The following PCARE variants were observed in gnomAD, a reference collection of about 807,000 sequenced individuals.
PCARE encodes the protein photoreceptor cilium actin regulator.
A neutral mutation model predicts 82.2 loss-of-function variants in PCARE; 72 were observed. That is an observed-to-expected ratio of 0.88 (90% confidence interval 0.72 to 1.07). The LOEUF is 1.07. PCARE is among the 50% of genes least tolerant of loss of function. PCARE has a pLI of 0.00. For synonymous variants in PCARE, 705 were observed against 634.8 expected (o/e 1.11, Z -1.66); for missense variants, 1,768 against 1,592.4 (o/e 1.11, Z -1.88).
rs766956312 is a variant in PCARE, at chr2:29,072,701, G to A, written c.1561C>T (p.Arg521Trp). 5.0e-6 allele frequency: 8 copies of A among 1,614,014 alleles called. No homozygotes were observed. Among genetic ancestry groups the A allele is most frequent in the South Asian group, 3.3e-5 (3 of 91,076 alleles). ...HSRPQSSPAD[R>W]ESPFQARTRR... ...GTGCGGGCCTGAAATGGGCTTTCCC[G>A]GTCAGCAGGTGAAGATTGTGGCCTT... Residue 521 changes from arginine (R) to tryptophan (W), a missense_variant, in exon 1 of 2, where the codon CGG becomes TGG. Coordinates refer to ENST00000331664, the MANE Select transcript of PCARE (RefSeq NM_001029883.3).
Position 29,073,913 on chromosome 2 carries a change from T to G in PCARE, c.349A>C (p.Lys117Gln), listed in dbSNP as rs777334143. Residue 117 changes from lysine (K) to glutamine (Q), a missense_variant, in exon 1 of 2, where the codon AAG becomes CAG. By Grantham distance (53) the Lys-to-Gln change is moderately conservative. Coordinates refer to ENST00000331664, the MANE Select transcript of PCARE (RefSeq NM_001029883.3). ...QSHMAKDIPF[K>Q]TQGSHGSQGA... ...TGTGATCCATGGGAACCCTGTGTCT[T>G]GAACGGAATATCCTTAGCCATGTGG... The G allele has an allele frequency of 2.5e-6, 4 of 1,614,268 alleles. No individual in the cohort carries two copies. The highest frequency in any genetic ancestry group is 1.7e-5 in the Admixed American group (1 of 60,032).
Position 29,071,035 on chromosome 2 carries a change from TG to T in PCARE, c.3226del (p.Gln1076SerfsTer37). The T allele has an allele frequency of 9.7e-7, 1 of 1,029,994 alleles. No individual in the cohort carries two copies. The highest frequency in any genetic ancestry group is 5.8e-5 in the East Asian group (1 of 17,260). 63.8% of individuals were successfully genotyped at this position (1,029,994 alleles called of 1,614,324 possible). A position where few individuals can be genotyped will look rare whatever the true frequency, so the allele number is the denominator to read the frequency against. On this transcript the variant is annotated frameshift_variant, in exon 1 of 2. Coordinates refer to ENST00000331664, the MANE Select transcript of PCARE (RefSeq NM_001029883.3). LOFTEE classifies it high-confidence loss of function. ...AQCKVPSPPT[Q>X]HPEASPPFSI... ...GAAAGGGGGGCTTGCTTCTGGGTGC[TG>T]GGTTGGGGGGCTGGGGACCTTGCAC...
intron 1 of PCARE, among the ~76,000 whole-genome samples, chr2:29,068,580 C>T (rs180875698): frequency 1.8e-4 from 27 of 152,248 alleles, no homozygotes; most frequent in Non-Finnish European, 3.1e-4. Context: ...CACATTTCCC[C>T]GTGTATTCTG....
rs764321524 is a variant in PCARE, at chr2:29,070,950, G to C, written c.3312C>G (p.Asp1104Glu). 38 of 1,613,150 alleles carry C rather than the reference G, an allele frequency of 2.4e-5. No individual in the cohort carries two copies. In the South Asian group the frequency reaches 4.1e-4, roughly 17 times the overall value. ...SPSQEHKETRDSEDSQAVIAK... is the reference protein window; with the variant it reads ...SPSQEHKETRESEDSQAVIAK... ...CTATGACTGCTTGGCTGTCTTCAGAGTCTCTTGTTTCCTTGTGCTCCTGAG... is the reference window on the plus strand; with the variant it reads ...CTATGACTGCTTGGCTGTCTTCAGACTCTCTTGTTTCCTTGTGCTCCTGAG... The change falls in exon 1 of 2, where the codon GAC becomes GAG. Residue 1104 changes from aspartate (D) to glutamate (E), a missense_variant. Transcript: ENST00000331664.
In PCARE at chr2:29,070,479, T is replaced by C. The variant is rs973851506; in HGVS notation, c.3668+115A>G. ...CCTACACCTTTTTCCCAACTGCCTC[T>C]TCTCTTGGAGCACAGTTTGAAAACT... On this transcript the variant is annotated intron_variant, in intron 1 of 1. Transcript: ENST00000331664. 5 of 1,439,398 alleles carry C rather than the reference T, an allele frequency of 3.5e-6. No homozygotes were observed. In the African/African-American group the frequency reaches 7.0e-5, roughly 20 times the overall value. 89.2% of individuals were successfully genotyped at this position (1,439,398 alleles called of 1,614,324 possible). A position where few individuals can be genotyped will look rare whatever the true frequency, so the allele number is the denominator to read the frequency against.
At position 29,064,555 on chromosome 2, in the gene PCARE, A is replaced by C; in HGVS notation, c.*314T>G. 1 of 517,036 alleles carries C rather than the reference A, an allele frequency of 1.9e-6. No homozygotes were observed. 32.0% of individuals were successfully genotyped at this position (517,036 alleles called of 1,614,324 possible). On this transcript the variant is annotated 3_prime_UTR_variant, in exon 2 of 2. Transcript: ENST00000331664. ...AATGAACCCAGTTAAAACCCTATCA[A>C]GCATGCAACTATACATTCTCCACCC... is the stretch of plus-strand genomic sequence containing the variant.
Position 29,064,456 on chromosome 2 carries a change from C to T in PCARE, c.*413G>A, listed in dbSNP as rs536100561. On this transcript the variant is annotated 3_prime_UTR_variant, in exon 2 of 2. Coordinates refer to ENST00000331664, the MANE Select transcript of PCARE (RefSeq NM_001029883.3). ...TTGAGGGGGCCTCTCCCCACACCTT[C>T]GGTTTTCATATGCGCAAAACTGAAG... is the stretch of plus-strand genomic sequence containing the variant. 191 of 275,852 alleles carry T rather than the reference C, an allele frequency of 6.9e-4. No individual in the cohort carries two copies. The highest frequency in any genetic ancestry group is 9.7e-4 in the Non-Finnish European group (138 of 142,276). 17.1% of individuals were successfully genotyped at this position (275,852 alleles called of 1,614,324 possible). A position where few individuals can be genotyped will look rare whatever the true frequency, so the allele number is the denominator to read the frequency against.
intron 1 of PCARE, among the ~76,000 whole-genome samples, chr2:29,067,261 T>A (rs928862581): frequency 2.0e-5 from 3 of 152,170 alleles, no homozygotes; most frequent in African/African-American, 7.2e-5. Flanking sequence ...TAGTCCCTGG[T>A]GGTGTTTCCC....
Position 29,074,051 on chromosome 2 carries a change from C to G in PCARE, c.211G>C (p.Ala71Pro), listed in dbSNP as rs1342231837. ...CCCATGAGCTGACAAAGACCTTTAG[C>G]TGTGGTTTGGTTCCTCCTGGGACTT... is the stretch of plus-strand genomic sequence containing the variant. ...QPSPRRNQTT[A>P]KGLCQLMGDP... Residue 71 changes from alanine to proline, a missense_variant, in exon 1 of 2, where the codon GCT becomes CCT. Transcript: ENST00000331664. 1 of 1,614,232 alleles carries G rather than the reference C, an allele frequency of 6.2e-7. No individual in the cohort carries two copies. The highest frequency in any genetic ancestry group is 2.2e-5 in the East Asian group (1 of 44,880).
chr2:29,065,932 G>A (rs1667384023), intron 1 of PCARE, among the ~76,000 whole-genome samples: 1 of 152,084 alleles, frequency 6.6e-6, no homozygotes, highest in Admixed American at 6.5e-5. Context: ...GGATCACCTG[G>A]GGTCAGGAGT....
chr2:29,073,578 C>G lies in PCARE; in HGVS notation c.684G>C (p.Glu228Asp), dbSNP rs201024585. 16 of 1,614,202 alleles carry G rather than the reference C, an allele frequency of 9.9e-6. No homozygotes were observed. In the African/African-American group the frequency reaches 2.0e-4, roughly 20 times the overall value. ...MVSFLLLCFEEISQLLGEISK... is the reference protein window; with the variant it reads ...MVSFLLLCFEDISQLLGEISK... ...AGATCTCCCCCAACAGCTGGCTGAT[C>G]TCCTCAAAGCACAGCAGCAAGAAGC... Residue 228 changes from glutamate to aspartate, a missense_variant, in exon 1 of 2, where the codon GAG (glutamate) becomes GAC (aspartate). Coordinates refer to ENST00000331664, the MANE Select transcript of PCARE (RefSeq NM_001029883.3).
At position 29,069,887 on chromosome 2, in the gene PCARE, A is replaced by G. The variant is rs542662619; in HGVS notation, c.3668+707T>C. ...TAATAACTTTAAAGGGTTTAAAGCC[A>G]TCCTGGGACCAAATAGCTTGAGAAC... On this transcript the variant is annotated intron_variant, in intron 1 of 1. Transcript: ENST00000331664. Among the ~76,000 whole-genome samples the G allele has an allele frequency of 2.4e-4, 37 of 152,272 alleles. 1 individual carries two copies. The South Asian group carries it at 6.6e-3, about 27-fold the overall frequency.
At chr2:29,066,460 C>A (rs1398597208) in intron 1 of PCARE, among the ~76,000 whole-genome samples, 1 of 152,250 alleles carries the variant, frequency 6.6e-6, no homozygotes, top group East Asian at 1.9e-4. Context: ...CAAGAAGGCC[C>A]TTCTCTCTGC....
Position 29,061,811 on chromosome 2 carries a change from G to T in PCARE, c.*3058C>A, listed in dbSNP as rs1475642080. Reference sequence around the variant, plus strand: ...TTGGCCCAGCAAGGATACCATTCTTGGGTAGAAGGGAGATGGTGGGCGTGA... The same window carrying T: ...TTGGCCCAGCAAGGATACCATTCTTTGGTAGAAGGGAGATGGTGGGCGTGA... On this transcript the variant is annotated 3_prime_UTR_variant, in exon 2 of 2. Transcript: ENST00000331664. 6.6e-6 allele frequency: 1 copy of T among 152,170 alleles called. No individual in the cohort carries two copies. Among genetic ancestry groups the T allele is most frequent in the Non-Finnish European group, 1.5e-5 (1 of 68,032 alleles). The allele number at this position is 152,170 out of a possible 1,614,324, so 9.4% of individuals were successfully genotyped here. A position where few individuals can be genotyped will look rare whatever the true frequency, so the allele number is the denominator to read the frequency against.
At chr2:29,069,168 G>A (rs1391054643) in intron 1 of PCARE, among the ~76,000 whole-genome samples, 1 of 152,198 alleles carries the variant, frequency 6.6e-6, no homozygotes, top group Non-Finnish European at 1.5e-5. Flanking sequence ...TTGAAAAAAT[G>A]TAAGACAGTG....
Position 29,064,588 on chromosome 2 carries a change from C to T in PCARE, c.*281G>A, listed in dbSNP as rs1667363632. ...ACTATACATTCTCCACCCCCCACCC[C>T]ACCCCAAATTAAGGCCAGCACTTGA... On this transcript the variant is annotated 3_prime_UTR_variant, in exon 2 of 2. Coordinates refer to ENST00000331664, the MANE Select transcript of PCARE (RefSeq NM_001029883.3). 2 of 573,870 alleles carry T rather than the reference C, an allele frequency of 3.5e-6. No individual in the cohort carries two copies. The highest frequency in any genetic ancestry group is 6.2e-6 in the Non-Finnish European group (2 of 320,352). The allele number at this position is 573,870 out of a possible 1,614,324, so 35.5% of individuals were successfully genotyped here.
In PCARE at chr2:29,074,240, T is replaced by C. The variant is rs1412178142; in HGVS notation, c.22A>G (p.Ser8Gly). 1 of 1,557,808 alleles carries C rather than the reference T, an allele frequency of 6.4e-7. No individual in the cohort carries two copies. The highest frequency in any genetic ancestry group is 1.3e-5 in the South Asian group (1 of 79,844). The change falls in exon 1 of 2, where the codon AGT (serine) becomes GGT (glycine). Residue 8 changes from serine to glycine, a missense_variant. Coordinates refer to ENST00000331664, the MANE Select transcript of PCARE (RefSeq NM_001029883.3). ...TTTGCAACGCTGTTTACAAGGTCAC[T>C]GTGTGAAGGTGTACACCCCATGATT... MGCTPSH[S>G]DLVNSVAKSG...
chr2:29,071,679 T>C lies in PCARE; in HGVS notation c.2583A>G (p.Glu861=). 6.2e-7 allele frequency: 1 copy of C among 1,614,062 alleles called. No individual in the cohort carries two copies. Among genetic ancestry groups the C allele is most frequent in the Non-Finnish European group, 8.5e-7 (1 of 1,179,964 alleles). ...CCTCTCCCGGCCCTGGCTCCTGGGT[T>C]TCCTTGGGGGAGTTCTCTGTGGACT... ...SSKSTENSPK[E]TQEPGPGEAG... is the part of the protein sequence containing the mutation. The change falls in exon 1 of 2, where the codon GAA becomes GAG. Residue 861 remains glutamate (E), a synonymous_variant. Transcript: ENST00000331664.
rs752344219 is a variant in PCARE, at chr2:29,072,599, C to T, written c.1663G>A (p.Val555Ile). The T allele has an allele frequency of 5.0e-6, 8 of 1,614,038 alleles. No individual in the cohort carries two copies. The highest frequency in any genetic ancestry group is 6.8e-6 in the Non-Finnish European group (8 of 1,180,030). The change falls in exon 1 of 2, where the codon GTC becomes ATC. Residue 555 changes from valine to isoleucine, a missense_variant. Val to Ile is a conservative substitution (Grantham distance 29). Transcript: ENST00000331664. ...KESISERIKF[V>I]PVPCGHQDWS... ...TCCTGGTGCCCACAGGGCACAGGGA[C>T]AAACTTGATCCTTTCGCTGATTGAC...
Sources: gnomAD v4.1 joint callset for allele counts (sites outside exome capture counted in the v4.1 genomes callset) on GRCh38, gnomAD v4.1.1 for gene constraint, MANE v1.5 for transcripts, NCBI Gene and HGNC (gene_info 2026-07-23, HGNC 2026-07-21) for gene names.